ESF1: variants seen among roughly 807,000 people sequenced by gnomAD.
ESF1 encodes ESF1 nucleolar pre-rRNA processing protein, also known as ESF1 homolog.
In ESF1, 58 loss-of-function variants were observed where a neutral mutation model predicts 92.0. The observed-to-expected ratio is 0.63, with a 90% CI of 0.51 to 0.78. The LOEUF (loss-of-function observed/expected upper bound fraction) is 0.78, where lower values mean the gene tolerates loss of function less well. ESF1 is among the 30% of genes least tolerant of loss of function. The probability of loss-of-function intolerance (pLI) is 0.00; values close to 1 mark genes in which losing one functional copy is unlikely to be tolerated. For synonymous variants in ESF1, 321 were observed against 313.7 expected, an observed-to-expected ratio of 1.02 and a Z score of -0.24; for missense variants, 922 against 989.1, an observed-to-expected ratio of 0.93 and a Z score of 0.91.
intron 9 of ESF1, among the ~76,000 whole-genome samples, chr20:13,748,175 T>C (rs1482984397): frequency 6.6e-6 from 1 of 152,198 alleles, no homozygotes. Flanking sequence ...ATTTCTATTC[T>C]TGTCAGTTCT....
intron 4 of ESF1, 104 bp from the exon 5 acceptor site, chr20:13,772,719 A>C: frequency 1.3e-6 from 1 of 774,258 alleles, no homozygotes; most frequent in South Asian, 1.5e-5. Context: ...TGACTCAATG[A>C]AAACAGTAAG....
intron 9 of ESF1, among the ~76,000 whole-genome samples, chr20:13,735,017 T>C (rs910153997): frequency 2.0e-5 from 3 of 152,120 alleles, no homozygotes; most frequent in Admixed American, 2.0e-4. Flanking sequence ...TGAAGAAATA[T>C]ATGGCCCAAG....
intron 9 of ESF1, among the ~76,000 whole-genome samples, chr20:13,740,314 A>T (rs2050003682): frequency 6.6e-6 from 1 of 152,248 alleles, no homozygotes; most frequent in African/African-American, 2.4e-5. Flanking sequence ...TGGAATTATC[A>T]GATACAAAAT....
intron 13 of ESF1, among the ~76,000 whole-genome samples, 187 bp from the exon 14 acceptor site, chr20:13,715,354 A>G (rs897114165): frequency 6.6e-6 from 1 of 152,106 alleles, no homozygotes; most frequent in African/African-American, 2.4e-5. Context: ...TTTGGACCAC[A>G]ACTTGTGGGG....
At chr20:13,716,804 A>ATTTTTTTTTTTTTTTTTTTTTTTTTT (rs71188180) in intron 13 of ESF1, among the ~76,000 whole-genome samples, 3 of 45,916 alleles carry the variant, frequency 6.5e-5, no homozygotes, top group Non-Finnish European at 8.1e-5. Flanking sequence ...CTATACCTGG[A>ATTTTTTTTTTTTTTTTTTTTTTTTTT]TTTTTTTTTT....
intron 9 of ESF1, among the ~76,000 whole-genome samples, chr20:13,752,415 G>A (rs1978679968): frequency 6.6e-6 from 1 of 152,078 alleles, no homozygotes; most frequent in African/African-American, 2.4e-5. Flanking sequence ...TTTAAGTTCA[G>A]GTTTTCCATT....
intron 10 of ESF1, among the ~76,000 whole-genome samples, chr20:13,731,795 G>A (rs2049945157): frequency 6.6e-6 from 1 of 152,142 alleles, no homozygotes; most frequent in Non-Finnish European, 1.5e-5. Flanking sequence ...CCCCAGAGAG[G>A]GTCCTGCCCT....
intron 12 of ESF1, 66 bp downstream of exon 12, chr20:13,718,842 G>T: frequency 8.4e-7 from 1 of 1,197,420 alleles, no homozygotes; most frequent in Non-Finnish European, 1.1e-6. Context: ...TTAGTGACAT[G>T]TACAACTTCA....
chr20:13,733,078 A>G (rs1484618692), intron 10 of ESF1, among the ~76,000 whole-genome samples: 3 of 150,474 alleles, frequency 2.0e-5, no homozygotes, highest in Admixed American at 1.3e-4. Context: ...GGTGCGCGCC[A>G]CCACATCCAC....
Position 13,782,630 on chromosome 20 carries a change from T to C in ESF1, c.511A>G (p.Asn171Asp). Residue 171 changes from asparagine to aspartate, a missense_variant, in exon 2 of 14, where the codon AAC (asparagine) becomes GAC (aspartate). Transcript: ENST00000617257. Reference sequence around the variant, plus strand: ...GAGTCTGTAGTATGTTGAACAATGTTTTTTTTCTCTTTCTTATTTTTTTGT... The same window carrying C: ...GAGTCTGTAGTATGTTGAACAATGTCTTTTTTCTCTTTCTTATTTTTTTGT... Reference protein sequence around the residue: ...FTQKNKKEKKNIVQHTTDSSL... With the variant: ...FTQKNKKEKKDIVQHTTDSSL... 7 of 1,608,040 alleles carry C rather than the reference T, an allele frequency of 4.4e-6. No homozygotes were observed. The highest frequency in any genetic ancestry group is 5.9e-6 in the Non-Finnish European group (7 of 1,178,608).
intron 10 of ESF1, among the ~76,000 whole-genome samples, chr20:13,731,201 C>T (rs1381033199): frequency 2.0e-5 from 3 of 152,110 alleles, no homozygotes; most frequent in Non-Finnish European, 4.4e-5. Flanking sequence ...CTTTATTGAC[C>T]CCATGAGGGC....
chr20:13,768,949 T>C lies in ESF1; in HGVS notation c.1518+958A>G, dbSNP rs554815288. 4.0e-5 allele frequency among the ~76,000 whole-genome samples: 6 copies of C among 149,504 alleles called. No homozygotes were observed. The East Asian group carries it at 9.8e-4, about 24-fold the overall frequency. ...AAAAGGGAGAAGGTAGTCACCTAAG[T>C]AATAAACTATTTCAATAGACAAAAA... On this transcript the variant is annotated intron_variant, in intron 7 of 13. Coordinates refer to ENST00000617257, the MANE Select transcript of ESF1 (RefSeq NM_001276380.2).
At chr20:13,732,445 G>A (rs1355375602) in intron 10 of ESF1, among the ~76,000 whole-genome samples, 2 of 152,130 alleles carry the variant, frequency 1.3e-5, no homozygotes, top group Non-Finnish European at 2.9e-5. Context: ...GCATCATTCA[G>A]CTTTGCATCT....
chr20:13,774,584 T>G (rs1979839666), intron 4 of ESF1, among the ~76,000 whole-genome samples: 1 of 152,204 alleles, frequency 6.6e-6, no homozygotes, highest in South Asian at 2.1e-4. Flanking sequence ...TGGAAAGATG[T>G]AAACATACTT....
intron 9 of ESF1, among the ~76,000 whole-genome samples, chr20:13,756,064 A>G (rs914783255): frequency 6.6e-6 from 1 of 152,228 alleles, no homozygotes; most frequent in Admixed American, 6.5e-5. Context: ...GGTAACTGTT[A>G]CAGAAAACAC....
At chr20:13,744,113 G>T (rs533425166) in intron 9 of ESF1, among the ~76,000 whole-genome samples, 2 of 152,290 alleles carry the variant, frequency 1.3e-5, no homozygotes, top group East Asian at 3.9e-4. Context: ...AGAGGCCCAT[G>T]CCGGACCATT....
chr20:13,745,219 T>C (rs1004804753), intron 9 of ESF1, among the ~76,000 whole-genome samples: 17 of 152,222 alleles, frequency 1.1e-4, no homozygotes, highest in Non-Finnish European at 2.4e-4. Flanking sequence ...ATTACGAGCA[T>C]GTTACAACCA....
At chr20:13,771,984 G>T (rs1475792067) in intron 5 of ESF1, among the ~76,000 whole-genome samples, 1 of 141,872 alleles carries the variant, frequency 7.0e-6, no homozygotes, top group African/African-American at 2.6e-5. Flanking sequence ...GTCTTCATCT[G>T]CTCTCTCCTG....
At chr20:13,735,318 C>A (rs2049969315) in intron 9 of ESF1, among the ~76,000 whole-genome samples, 1 of 152,124 alleles carries the variant, frequency 6.6e-6, no homozygotes, top group Non-Finnish European at 1.5e-5. Context: ...TATATGCACA[C>A]TCAAGGTAAC....
Sources: allele counts gnomAD v4.1 joint callset (sites outside exome capture counted in the v4.1 genomes callset), GRCh38; gene constraint gnomAD v4.1.1; transcripts MANE v1.5; gene names NCBI Gene and HGNC (gene_info 2026-07-23, HGNC 2026-07-21).